Variants in ASIC2 observed in about 807,000 individuals in gnomAD.
ASIC2 encodes acid sensing ion channel subunit 2.
Under a neutral mutation model 57.3 loss-of-function variants are expected in ASIC2, and 25 were observed. That is an observed-to-expected ratio of 0.44 (90% CI 0.32 to 0.61). The LOEUF (loss-of-function observed/expected upper bound fraction) is 0.61. ASIC2 is among the 20% of genes least tolerant of loss of function. The pLI is 0.06. For missense variants in ASIC2, 641 were observed against 738.1 expected (o/e 0.87, Z 1.52); for synonymous variants, 319 against 307.5 (o/e 1.04, Z -0.39).
chr17:33,477,850 C>T (rs2141924572), intron 1 of ASIC2, among the ~76,000 whole-genome samples: 1 of 152,282 alleles, frequency 6.6e-6, no homozygotes, highest in South Asian at 2.1e-4. Context: ...AAAGTCATTT[C>T]AGGCAGAGAA....
chr17:33,967,121 GTC>G (rs1225840007), intron 1 of ASIC2, among the ~76,000 whole-genome samples: 1 of 152,022 alleles, frequency 6.6e-6, no homozygotes, highest in Admixed American at 6.6e-5. Flanking sequence ...TTTCTTTGGT[GTC>G]TCTATTTATT....
At chr17:33,412,988 T>G (rs1249241902) in intron 1 of ASIC2, among the ~76,000 whole-genome samples, 1 of 152,210 alleles carries the variant, frequency 6.6e-6, no homozygotes, top group Non-Finnish European at 1.5e-5. Flanking sequence ...AGCCGCTCTG[T>G]GCTCTTACTT....
In ASIC2 at chr17:33,702,888, G is replaced by C. The variant is rs575555231; in HGVS notation, c.555+453090C>G. On this transcript the variant is annotated intron_variant, in intron 1 of 9. Coordinates refer to the ASIC2 transcript ENST00000359872. ...TGCCAGGCGATGTACCAGGAACTAG[G>C]GGCATTAGGTTCCTGCTTTCATGAA... Among the ~76,000 whole-genome samples the C allele has an allele frequency of 3.3e-5, 5 of 152,092 alleles. No individual in the cohort carries two copies. In the East Asian group the frequency reaches 9.6e-4, roughly 29 times the overall value.
intron 2 of ASIC2, among the ~76,000 whole-genome samples, chr17:33,096,902 T>G (rs1216143391): frequency 6.6e-6 from 1 of 151,914 alleles, no homozygotes; most frequent in East Asian, 1.9e-4. Context: ...GAGGCCAGAG[T>G]GGCAGGGACA....
At chr17:33,443,574 C>T (rs911828310) in intron 1 of ASIC2, among the ~76,000 whole-genome samples, 8 of 69,142 alleles carry the variant, frequency 1.2e-4, no homozygotes, top group East Asian at 4.4e-4. Context: ...CCACTACGCC[C>T]GGCTAATTTT....
At chr17:33,799,267 G>C (rs564020972) in intron 1 of ASIC2, among the ~76,000 whole-genome samples, 7 of 148,280 alleles carry the variant, frequency 4.7e-5, no homozygotes, top group Non-Finnish European at 9.0e-5. Flanking sequence ...CCATCAATCC[G>C]TTTTTCCTCC....
chr17:33,975,944 G>A (rs917274681), intron 1 of ASIC2, among the ~76,000 whole-genome samples: 6 of 151,870 alleles, frequency 4.0e-5, no homozygotes, highest in African/African-American at 9.7e-5. Context: ...ATTCTTCTCA[G>A]TACCCCCAAA....
At chr17:33,875,464 T>TC (rs1306741634) in intron 1 of ASIC2, among the ~76,000 whole-genome samples, 3 of 138,510 alleles carry the variant, frequency 2.2e-5, no homozygotes, top group Non-Finnish European at 4.8e-5. Flanking sequence ...CAGAGACAGC[T>TC]GAAAATGAAA....
chr17:33,930,305 C>T (rs775732074), intron 1 of ASIC2, among the ~76,000 whole-genome samples: 19 of 152,294 alleles, frequency 1.2e-4, no homozygotes, highest in South Asian at 2.1e-4. Context: ...CCTCAAAGGC[C>T]GTATATTTGT....
chr17:33,238,631 G>C (rs999509530), intron 1 of ASIC2, among the ~76,000 whole-genome samples: 2 of 152,146 alleles, frequency 1.3e-5, no homozygotes, highest in Non-Finnish European at 1.5e-5. Flanking sequence ...AACACACCGG[G>C]CCCACTCCTG....
chr17:33,102,792 T>G (rs2092216966), intron 2 of ASIC2, among the ~76,000 whole-genome samples: 1 of 152,218 alleles, frequency 6.6e-6, no homozygotes, highest in Admixed American at 6.5e-5. Context: ...GTTTATTTAT[T>G]TATTTATTTG....
At chr17:33,250,681 C>G (rs1036927285) in intron 1 of ASIC2, among the ~76,000 whole-genome samples, 2 of 152,146 alleles carry the variant, frequency 1.3e-5, no homozygotes, top group Admixed American at 6.5e-5. Flanking sequence ...AACAGAAAAG[C>G]CTTGCATAGA....
chr17:34,045,504 T>C (rs902705457), intron 1 of ASIC2, among the ~76,000 whole-genome samples: 3 of 152,226 alleles, frequency 2.0e-5, no homozygotes, highest in African/African-American at 7.2e-5. Flanking sequence ...AGAAGATTAA[T>C]GGAAAAACTT....
intron 1 of ASIC2, among the ~76,000 whole-genome samples, chr17:34,153,784 T>C (rs1904616018): frequency 6.6e-6 from 1 of 152,184 alleles, no homozygotes. Context: ...TCAAATAGAT[T>C]ACTCTTGAAC....
At chr17:33,916,862 T>A (rs1375219396) in intron 1 of ASIC2, among the ~76,000 whole-genome samples, 1 of 152,158 alleles carries the variant, frequency 6.6e-6, no homozygotes, top group Non-Finnish European at 1.5e-5. Context: ...TACACATTGC[T>A]CTAGGCCTCA....
At chr17:33,079,625 T>C (rs2092104402) in intron 3 of ASIC2, among the ~76,000 whole-genome samples, 2 of 151,584 alleles carry the variant, frequency 1.3e-5, no homozygotes, top group Admixed American at 1.3e-4. Flanking sequence ...AGGGACAGAG[T>C]GAGCACTGGG....
intron 1 of ASIC2, among the ~76,000 whole-genome samples, chr17:33,218,800 C>T (rs908586940): frequency 6.6e-6 from 1 of 152,120 alleles, no homozygotes; most frequent in Non-Finnish European, 1.5e-5. Flanking sequence ...CATCTCTCTT[C>T]CCTCCTCACT....
intron 1 of ASIC2, among the ~76,000 whole-genome samples, chr17:33,717,858 C>A (rs1487738642): frequency 6.6e-6 from 1 of 152,196 alleles, no homozygotes; most frequent in Non-Finnish European, 1.5e-5. Flanking sequence ...GAGCTTAGTA[C>A]AGATACTTAA....
intron 1 of ASIC2, among the ~76,000 whole-genome samples, chr17:33,873,143 A>T (rs1171424627): frequency 1.3e-5 from 2 of 151,940 alleles, no homozygotes. Context: ...CTCTAAATAA[A>T]CTCTTTGCTC....
Sources: gnomAD v4.1 joint callset for allele counts (sites outside exome capture counted in the v4.1 genomes callset) on GRCh38, gnomAD v4.1.1 for gene constraint, MANE v1.5 for transcripts, NCBI Gene and HGNC (gene_info 2026-07-23, HGNC 2026-07-21) for gene names.